Variants in SCN4B observed in about 807,000 individuals in gnomAD.
SCN4B encodes sodium voltage-gated channel beta subunit 4.
In SCN4B, 20 loss-of-function variants were observed where a neutral mutation model predicts 19.6. The ratio of observed to expected loss-of-function variants is 1.02; its 90% confidence interval spans 0.72 to 1.48. The LOEUF (loss-of-function observed/expected upper bound fraction) is 1.48. Among genes scored for constraint, SCN4B ranks in the 40% most tolerant of loss-of-function variants. SCN4B has a pLI of 0.00. For synonymous variants in SCN4B, 127 were observed against 122.8 expected, an observed-to-expected ratio of 1.03 and a Z score of -0.22; for missense variants, 271 against 287.5, an observed-to-expected ratio of 0.94 and a Z score of 0.42.
At chr11:118,146,268 C>T (rs981502025) in intron 1 of SCN4B, among the ~76,000 whole-genome samples, 2 of 152,178 alleles carry the variant, frequency 1.3e-5, no homozygotes, top group Non-Finnish European at 2.9e-5. Context: ...ACTCCCGCTC[C>T]GGAGTCCTTG....
In SCN4B at chr11:118,136,039, G is replaced by GGGGC. The variant is rs1555096107; in HGVS notation, c.*987_*988insGCCC. On this transcript the variant is annotated 3_prime_UTR_variant, in exon 5 of 5. Coordinates refer to ENST00000324727, the MANE Select transcript of SCN4B (RefSeq NM_174934.4). ...GCAGGGCGTGATGGAGGGCACGGTG[G>GGGGC]GGGGGGGGGAGCGAGCCAATGGGAG... 4.6e-5 allele frequency: 8 copies of GGGGC among 173,372 alleles called. No homozygotes were observed. The highest frequency in any genetic ancestry group is 2.2e-4 in the South Asian group (8 of 37,164). 10.7% of individuals were successfully genotyped at this position (173,372 alleles called of 1,614,324 possible). A position where few individuals can be genotyped will look rare whatever the true frequency, so the allele number is the denominator to read the frequency against.
rs930958608 is a variant in SCN4B, at chr11:118,136,814, C to T, written c.*213G>A. On this transcript the variant is annotated 3_prime_UTR_variant, in exon 5 of 5. Coordinates refer to ENST00000324727, the MANE Select transcript of SCN4B (RefSeq NM_174934.4). ...TTCTTTCTCCTGAATCTTCCACAGACCCCCTCCCCTGGCCATCCCTTGTCC... is the reference window on the plus strand; with the variant it reads ...TTCTTTCTCCTGAATCTTCCACAGATCCCCTCCCCTGGCCATCCCTTGTCC... 1.6e-5 allele frequency: 11 copies of T among 671,348 alleles called. No individual in the cohort carries two copies. Among genetic ancestry groups the T allele is most frequent in the Non-Finnish European group, 3.0e-5 (11 of 365,588 alleles). The allele number at this position is 671,348 out of a possible 1,614,324, so 41.6% of individuals were successfully genotyped here. A position where few individuals can be genotyped will look rare whatever the true frequency, so the allele number is the denominator to read the frequency against.
intron 1 of SCN4B, 190 bp from the exon 2 acceptor site, chr11:118,145,419 C>G (rs1329442385): frequency 8.6e-6 from 13 of 1,518,234 alleles, no homozygotes; most frequent in African/African-American, 1.4e-5. Flanking sequence ...CTCCATTTCT[C>G]CCCTGGAAAG....
chr11:118,143,469 A>G (rs73597507), intron 3 of SCN4B, among the ~76,000 whole-genome samples: 167 of 152,340 alleles, frequency 1.1e-3, no homozygotes, highest in African/African-American at 4.0e-3. Flanking sequence ...CCTGACATTC[A>G]ATCAATTTTT....
chr11:118,143,163 T>C (rs1045297185), intron 3 of SCN4B, among the ~76,000 whole-genome samples: 4 of 152,194 alleles, frequency 2.6e-5, no homozygotes, highest in Admixed American at 6.5e-5. Context: ...CTGGTTATCA[T>C]ATCCTCCTTC....
intron 1 of SCN4B, among the ~76,000 whole-genome samples, chr11:118,152,353 C>T (rs1256504946): frequency 1.3e-5 from 2 of 152,214 alleles, no homozygotes; most frequent in African/African-American, 4.8e-5. Flanking sequence ...GCTCCAAATA[C>T]CTGGAGCCGA....
intron 4 of SCN4B, among the ~76,000 whole-genome samples, chr11:118,140,785 T>C (rs1247957450): frequency 6.6e-6 from 1 of 152,240 alleles, no homozygotes; most frequent in African/African-American, 2.4e-5. Context: ...CAGAAGAATT[T>C]TGTTCCCATC....
chr11:118,149,319 T>G (rs1236290303), intron 1 of SCN4B, among the ~76,000 whole-genome samples: 1 of 152,022 alleles, frequency 6.6e-6, no homozygotes, highest in African/African-American at 2.4e-5. Flanking sequence ...TAAATATAGC[T>G]CTGAGGGCTT....
At position 118,135,480 on chromosome 11, in the gene SCN4B, C is replaced by A. The variant is rs565560574; in HGVS notation, c.*1547G>T. On this transcript the variant is annotated 3_prime_UTR_variant, in exon 5 of 5. Transcript: ENST00000324727. ...GAGAGAGGGATTGGAAGTAGATGGG[C>A]AGAGAGGCTTGTTACCACTTTTCCC... 6 of 453,952 alleles carry A rather than the reference C, an allele frequency of 1.3e-5. No homozygotes were observed. In the East Asian group the frequency reaches 4.2e-4, roughly 32 times the overall value. The allele number at this position is 453,952 out of a possible 1,614,324, so 28.1% of individuals were successfully genotyped here.
At chr11:118,145,681 G>T (rs1027245573) in intron 1 of SCN4B, 2 of 316,894 alleles carry the variant, frequency 6.3e-6, no homozygotes, top group African/African-American at 4.3e-5. Flanking sequence ...CAGGACTGAC[G>T]GGCGGGGCGG....
intron 1 of SCN4B, chr11:118,145,507 A>C: frequency 7.5e-7 from 1 of 1,341,410 alleles, no homozygotes; most frequent in Non-Finnish European, 9.7e-7. Flanking sequence ...CAAGGAAACA[A>C]AGGCCTGGCC....
At chr11:118,138,681 CTG>C (rs1565454059) in intron 4 of SCN4B, among the ~76,000 whole-genome samples, 4 of 152,300 alleles carry the variant, frequency 2.6e-5, no homozygotes, top group African/African-American at 9.6e-5. Context: ...TTGTGACACA[CTG>C]TGGTAAATAA....
rs1947982077 is a variant in SCN4B at position 118,135,510 on chromosome 11, A to G, written c.*1517T>C. On this transcript the variant is annotated 3_prime_UTR_variant, in exon 5 of 5. Coordinates refer to ENST00000324727, the MANE Select transcript of SCN4B (RefSeq NM_174934.4). ...AGGCTTGTTACCACTTTTCCCTGCCATCCCTGGCCTCACCAATTCTGCCCA... is the reference window on the plus strand; with the variant it reads ...AGGCTTGTTACCACTTTTCCCTGCCGTCCCTGGCCTCACCAATTCTGCCCA... The G allele has an allele frequency of 6.6e-6, 3 of 453,958 alleles. No individual in the cohort carries two copies. Among genetic ancestry groups the G allele is most frequent in the African/African-American group, 4.0e-5 (2 of 49,982 alleles). 28.1% of individuals were successfully genotyped at this position (453,958 alleles called of 1,614,324 possible).
rs1403465389 is a variant in SCN4B, at chr11:118,136,947, G to A, written c.*80C>T. 3.2e-6 allele frequency: 3 copies of A among 951,878 alleles called. No individual in the cohort carries two copies. Among genetic ancestry groups the A allele is most frequent in the Non-Finnish European group, 5.1e-6 (3 of 590,934 alleles). 59.0% of individuals were successfully genotyped at this position (951,878 alleles called of 1,614,324 possible). On this transcript the variant is annotated 3_prime_UTR_variant, in exon 5 of 5. Transcript: ENST00000324727. ...CAAGCAGCAGATGTCTCAGGCACGT[G>A]GGTTCTACGGTCGGGGCTCAAGCAT...
At position 118,136,048 on chromosome 11, in the gene SCN4B, G is replaced by T. The variant is rs541268607; in HGVS notation, c.*979C>A. On this transcript the variant is annotated 3_prime_UTR_variant, in exon 5 of 5. Coordinates refer to ENST00000324727, the MANE Select transcript of SCN4B (RefSeq NM_174934.4). The stretch of plus-strand genomic sequence containing the variant: ...GATGGAGGGCACGGTGGGGGGGGGG[G>T]AGCGAGCCAATGGGAGGTTGGAGGG... 7.4e-3 allele frequency: 3,118 copies of T among 421,224 alleles called. 70 individuals carry two copies. Among genetic ancestry groups the T allele is most frequent in the African/African-American group, 0.05 (2,341 of 46,368 alleles). 26.1% of individuals were successfully genotyped at this position (421,224 alleles called of 1,614,324 possible).
Position 118,134,558 on chromosome 11 carries a change from CT to C in SCN4B, c.*2468del. 1 of 454,082 alleles carries C rather than the reference CT, an allele frequency of 2.2e-6. No homozygotes were observed. Among genetic ancestry groups the C allele is most frequent in the Non-Finnish European group, 4.4e-6 (1 of 226,772 alleles). The allele number at this position is 454,082 out of a possible 1,614,324, so 28.1% of individuals were successfully genotyped here. Reference sequence around the variant, plus strand: ...ATGGGGGCAACCAAAAATGCCCCCCCTACAATCTCAGTCACCTCTATTGAAA... The same window carrying C: ...ATGGGGGCAACCAAAAATGCCCCCCCACAATCTCAGTCACCTCTATTGAAA... On this transcript the variant is annotated 3_prime_UTR_variant, in exon 5 of 5. Coordinates refer to ENST00000324727, the MANE Select transcript of SCN4B (RefSeq NM_174934.4).
Position 118,133,898 on chromosome 11 carries a change from A to T in SCN4B, c.*3129T>A. On this transcript the variant is annotated 3_prime_UTR_variant, in exon 5 of 5. Coordinates refer to ENST00000324727, the MANE Select transcript of SCN4B (RefSeq NM_174934.4). ...CCAGATGCCTCAACAGGCATAGCTC[A>T]GGCCAAGAAAGACGGCTCCTCAAAT... The T allele has an allele frequency of 2.2e-6, 1 of 454,428 alleles. No homozygotes were observed. Among genetic ancestry groups the T allele is most frequent in the South Asian group, 1.6e-5 (1 of 64,480 alleles). 28.1% of individuals were successfully genotyped at this position (454,428 alleles called of 1,614,324 possible).
At chr11:118,142,934 C>G (rs951431228) in intron 3 of SCN4B, 12 of 152,286 alleles carry the variant, frequency 7.9e-5, no homozygotes, top group African/African-American at 2.9e-4. Context: ...ATTGGATAAC[C>G]TCTGGCTCCG....
rs1947998232 is a variant in SCN4B, at chr11:118,136,092, A to AGGGGGAGGAGC, written c.*934_*935insGCTCCTCCCCC. On this transcript the variant is annotated 3_prime_UTR_variant, in exon 5 of 5. Transcript: ENST00000324727. ...TGGAGGGTGCAGCCTCTCAGGTAGGAGGGGGAGAAGCAGGGGAGAGCTGGG... is the reference window on the plus strand; with the variant it reads ...TGGAGGGTGCAGCCTCTCAGGTAGGAGGGGGAGGAGCGGGGGAGAAGCAGGGGAGAGCTGGG... 1 of 425,812 alleles carries AGGGGGAGGAGC rather than the reference A, an allele frequency of 2.3e-6. No individual in the cohort carries two copies. The highest frequency in any genetic ancestry group is 4.6e-6 in the Non-Finnish European group (1 of 215,896). 26.4% of individuals were successfully genotyped at this position (425,812 alleles called of 1,614,324 possible).
Sources: allele counts gnomAD v4.1 joint callset (sites outside exome capture counted in the v4.1 genomes callset), GRCh38; gene constraint gnomAD v4.1.1; transcripts MANE v1.5; gene names NCBI Gene and HGNC (gene_info 2026-07-23, HGNC 2026-07-21).